Variants in RUNX1 observed in about 807,000 individuals in gnomAD.
RUNX1 encodes the protein runt-related transcription factor 1.
Under a neutral mutation model 42.8 loss-of-function variants are expected in RUNX1, and 19 were observed. The ratio of observed to expected loss-of-function variants is 0.44; its 90% CI spans 0.31 to 0.65. RUNX1 has a LOEUF of 0.65. Among genes scored for constraint, RUNX1 ranks in the 30% least tolerant of loss-of-function variants. The pLI, the probability that RUNX1 is intolerant of heterozygous loss-of-function variation, is 0.07. For missense variants in RUNX1, 528 were observed against 672.0 expected, an observed-to-expected ratio of 0.79 and a Z score of 2.37; for synonymous variants, 271 against 289.4, an observed-to-expected ratio of 0.94 and a Z score of 0.64.
intron 2 of RUNX1, among the ~76,000 whole-genome samples, chr21:35,005,256 T>G (rs2059075480): frequency 6.6e-6 from 1 of 152,066 alleles, no homozygotes; most frequent in African/African-American, 2.4e-5. Flanking sequence ...TGCATTTTAC[T>G]CAGTAAAGAC....
In RUNX1 at chr21:34,792,381, G is replaced by A. The variant is rs1555884864; in HGVS notation, c.1197C>T (p.Ser399=). 6.4e-7 allele frequency: 1 copy of A among 1,566,494 alleles called. No homozygotes were observed. Among genetic ancestry groups the A allele is most frequent in the African/African-American group, 1.3e-5 (1 of 74,198 alleles). Reference sequence around the variant, plus strand: ...CGTAGTACAGGTGGTAGGAGGGCGAGCTGGCTTGGAACGGGCCTCCCTGCG... The same window carrying A: ...CGTAGTACAGGTGGTAGGAGGGCGAACTGGCTTGGAACGGGCCTCCCTGCG... ...SQAQGGPFQA[S]SPSYHLYYGA... Residue 399 remains serine (S), a synonymous_variant, in exon 9 of 9, where the codon AGC becomes AGT. Coordinates refer to ENST00000675419, the MANE Select transcript of RUNX1 (RefSeq NM_001754.5). The surrounding 1 kb of genome is among the most constrained non-coding windows in gnomAD (Gnocchi z 6.9).
chr21:34,948,706 AG>A (rs759576706), intron 2 of RUNX1, among the ~76,000 whole-genome samples: 1 of 152,152 alleles, frequency 6.6e-6, no homozygotes, highest in Non-Finnish European at 1.5e-5. Context: ...GCCCATCTCC[AG>A]GGTGCCTAAA....
chr21:34,862,120 G>C (rs1401073129), intron 5 of RUNX1, among the ~76,000 whole-genome samples: 1 of 151,940 alleles, frequency 6.6e-6, no homozygotes, highest in Non-Finnish European at 1.5e-5. Context: ...GTGTATGAGA[G>C]AGAGAGAGAG....
intron 7 of RUNX1, among the ~76,000 whole-genome samples, chr21:34,808,229 C>T (rs2056708791): frequency 6.6e-6 from 1 of 152,198 alleles, no homozygotes; most frequent in African/African-American, 2.4e-5. Context: ...CAGATGCATT[C>T]GTTGTTCCAG....
chr21:34,882,512 G>C (rs2057920153), intron 4 of RUNX1, among the ~76,000 whole-genome samples: 1 of 152,082 alleles, frequency 6.6e-6, no homozygotes, highest in East Asian at 1.9e-4. Context: ...TTTCCATATA[G>C]GAGATTTTAA....
At chr21:34,956,621 C>T (rs2058646118) in intron 2 of RUNX1, among the ~76,000 whole-genome samples, 1 of 152,118 alleles carries the variant, frequency 6.6e-6, no homozygotes, top group Non-Finnish European at 1.5e-5. Flanking sequence ...TGATGTCACG[C>T]CCTAGATACC....
intron 2 of RUNX1, among the ~76,000 whole-genome samples, chr21:34,967,619 T>A (rs1601618446): frequency 6.6e-6 from 1 of 152,258 alleles, no homozygotes; most frequent in East Asian, 1.9e-4. Flanking sequence ...CCCATAGTGG[T>A]GAGAAGTGAC....
chr21:34,924,817 T>C (rs965404356), intron 2 of RUNX1, among the ~76,000 whole-genome samples: 2 of 152,130 alleles, frequency 1.3e-5, no homozygotes, highest in Non-Finnish European at 2.9e-5. Flanking sequence ...GGCTGGGAAG[T>C]CTAAGATTAA....
At chr21:35,005,466 A>T (rs2059077453) in intron 2 of RUNX1, among the ~76,000 whole-genome samples, 1 of 152,212 alleles carries the variant, frequency 6.6e-6, no homozygotes, top group South Asian at 2.1e-4. Context: ...AATTTAGTTA[A>T]TCTATACTAA....
chr21:34,872,210 G>A lies in RUNX1; in HGVS notation c.508+8347C>T, dbSNP rs75388891. ...ATCAATTCCCATTCCTAGATCAGTG[G>A]CTCCATGGACTCTCTGCTGAAGTAT... is the stretch of plus-strand genomic sequence containing the variant. On this transcript the variant is annotated intron_variant, in intron 5 of 8. Transcript: ENST00000675419. Among the ~76,000 whole-genome samples, 122 of 152,298 alleles carry A rather than the reference G, an allele frequency of 8.0e-4. 3 individuals carry two copies. In the East Asian group the frequency reaches 0.017, roughly 22 times the overall value.
At chr21:35,006,191 T>A (rs2059083176) in intron 2 of RUNX1, among the ~76,000 whole-genome samples, 1 of 152,176 alleles carries the variant, frequency 6.6e-6, no homozygotes, top group African/African-American at 2.4e-5. Flanking sequence ...TTGTATGCAT[T>A]GTCTTTGAGA....
intron 7 of RUNX1, among the ~76,000 whole-genome samples, chr21:34,803,786 G>C (rs2056641424): frequency 6.6e-6 from 1 of 152,168 alleles, no homozygotes; most frequent in Non-Finnish European, 1.5e-5. Flanking sequence ...TAGAGTTGAG[G>C]TTAGTGGTGA....
chr21:35,018,951 A>G (rs1404744175), intron 2 of RUNX1, among the ~76,000 whole-genome samples: 4 of 152,238 alleles, frequency 2.6e-5, no homozygotes, highest in Non-Finnish European at 5.9e-5. Context: ...AAGCACCCTC[A>G]GCCAACGTTA....
intron 2 of RUNX1, among the ~76,000 whole-genome samples, chr21:35,031,614 C>T (rs2059273846): frequency 6.6e-6 from 1 of 151,968 alleles, no homozygotes; most frequent in African/African-American, 2.4e-5. Context: ...AAAGAATCAG[C>T]CTAAGTGTCC....
chr21:34,888,076 CAG>C (rs749969216), intron 3 of RUNX1: 159 of 1,066,218 alleles, frequency 1.5e-4, no homozygotes, highest in Middle Eastern at 1.2e-3. Context: ...TGAGCAGCCG[CAG>C]AGTCACACAC....
intron 7 of RUNX1, among the ~76,000 whole-genome samples, chr21:34,813,374 T>G (rs2056782649): frequency 6.6e-6 from 1 of 152,076 alleles, no homozygotes; most frequent in Admixed American, 6.5e-5. Context: ...CTTCTAGAGG[T>G]GCTCTTCAGG....
chr21:34,794,063 A>C (rs1319909358), intron 8 of RUNX1, among the ~76,000 whole-genome samples: 1 of 152,152 alleles, frequency 6.6e-6, no homozygotes, highest in African/African-American at 2.4e-5. Flanking sequence ...CTATTTGATC[A>C]ATATATTAAT....
At chr21:34,967,454 C>T (rs904075086) in intron 2 of RUNX1, among the ~76,000 whole-genome samples, 7 of 149,704 alleles carry the variant, frequency 4.7e-5, no homozygotes, top group Non-Finnish European at 7.4e-5. Flanking sequence ...GTCAGTGTCA[C>T]GGGGGAGGCT....
chr21:35,048,832 A>C lies in RUNX1; in HGVS notation c.58+10T>G, dbSNP rs773170644. 3 of 1,609,306 alleles carry C rather than the reference A, an allele frequency of 1.9e-6. No individual in the cohort carries two copies. Among genetic ancestry groups the C allele is most frequent in the Non-Finnish European group, 1.7e-6 (2 of 1,175,622 alleles). ...CAAAAGTAGATATTACAAGACCAGC[A>C]TGTACTCACCTCTCATGAAGCACTG... On this transcript the variant is annotated intron_variant, in intron 2 of 8. Transcript: ENST00000675419.
Sources: allele counts gnomAD v4.1 joint callset (sites outside exome capture counted in the v4.1 genomes callset), GRCh38; gene constraint gnomAD v4.1.1; non-coding constraint Gnocchi (gnomAD v3.1); transcripts MANE v1.5; gene names NCBI Gene and HGNC (gene_info 2026-07-23, HGNC 2026-07-21).